Variants in TIE1 observed in about 807,000 individuals in gnomAD.
TIE1 encodes the protein tyrosine-protein kinase receptor Tie-1.
Under a neutral mutation model 130.5 loss-of-function variants are expected in TIE1, and 89 were observed. That is an observed-to-expected ratio of 0.68 (90% CI 0.57 to 0.81). TIE1 has a LOEUF of 0.81. Among genes scored for constraint, TIE1 ranks in the 40% least tolerant of loss-of-function variants. The pLI is 0.00. For synonymous variants in TIE1, 568 were observed against 629.4 expected (o/e 0.90, Z 1.46); for missense variants, 1,392 against 1,559.8 (o/e 0.89, Z 1.81).
rs760802772 is a variant in TIE1 at position 43,305,000 on chromosome 1, G to A, written c.208G>A (p.Val70Met). The change falls in exon 2 of 23, where the codon GTG becomes ATG. Residue 70 changes from valine to methionine, a missense_variant. By Grantham distance (21) the Val-to-Met change is conservative. Coordinates refer to ENST00000372476, the MANE Select transcript of TIE1 (RefSeq NM_005424.5). ...PLLLEKDDRI[V>M]RTPPGPPLRL... The stretch of plus-strand genomic sequence containing the variant: ...GCTGCTGGAGAAGGACGACCGTATC[G>A]TGCGCACCCCGCCCGGGCCACCCCT... The A allele has an allele frequency of 3.1e-5, 47 of 1,534,532 alleles. No homozygotes were observed. The highest frequency in any genetic ancestry group is 5.5e-5 in the African/African-American group (4 of 73,066).
rs749575552 is a variant in TIE1 at position 43,318,050 on chromosome 1, T to C, written c.2900T>C (p.Met967Thr). The stretch of plus-strand genomic sequence containing the variant: ...TTCGCCAGTGATGCGGCCAATGGCA[T>C]GCAGTACCTGAGTGAGAAGCAGGTG... ...LRFASDAANG[M>T]QYLSEKQFIH... The change falls in exon 17 of 23, where the codon ATG becomes ACG. Residue 967 changes from methionine to threonine, a missense_variant. Physicochemically the swap from Met to Thr is moderately conservative, Grantham distance 81. Transcript: ENST00000372476. This position sits in a 1 kb window ranked among gnomAD's most constrained non-coding sequence, Gnocchi z 4.4. 1.3e-6 allele frequency: 2 copies of C among 1,568,330 alleles called. No homozygotes were observed. The highest frequency in any genetic ancestry group is 1.2e-5 in the South Asian group (1 of 82,136).
chr1:43,319,581 A>G lies in TIE1; in HGVS notation c.3107+52A>G. 1 of 1,561,734 alleles carries G rather than the reference A, an allele frequency of 6.4e-7. No homozygotes were observed. Among genetic ancestry groups the G allele is most frequent in the Non-Finnish European group, 8.8e-7 (1 of 1,132,406 alleles). On this transcript the variant is annotated intron_variant, in intron 19 of 22. Transcript: ENST00000372476. The surrounding 1 kb of genome is among the most constrained non-coding windows in gnomAD (Gnocchi z 4.7). ...AGGGCTTGGCCCCCAAGAATCACCCAGGCCTGACCTAGACATATCTCAGAA... is the reference window on the plus strand; with the variant it reads ...AGGGCTTGGCCCCCAAGAATCACCCGGGCCTGACCTAGACATATCTCAGAA...
chr1:43,312,203 CT>C lies in TIE1; in HGVS notation c.1630+75del. The C allele has an allele frequency of 6.6e-7, 1 of 1,513,760 alleles. No homozygotes were observed. The highest frequency in any genetic ancestry group is 8.8e-7 in the Non-Finnish European group (1 of 1,131,124). The allele number at this position is 1,513,760 out of a possible 1,614,324, so 93.8% of individuals were successfully genotyped here. A position where few individuals can be genotyped will look rare whatever the true frequency, so the allele number is the denominator to read the frequency against. On this transcript the variant is annotated intron_variant, in intron 11 of 22. Coordinates refer to ENST00000372476, the MANE Select transcript of TIE1 (RefSeq NM_005424.5). This position sits in a 1 kb window ranked among gnomAD's most constrained non-coding sequence, Gnocchi z 5.6. The stretch of plus-strand genomic sequence containing the variant: ...TCCCGTCGACCCCAGGGACCCCTGC[CT>C]TTCCCACTGGAGGTTGTTCTTCCTT...
In TIE1 at chr1:43,316,375, C is replaced by T. The variant is rs568293500; in HGVS notation, c.2410-824C>T. ...AGGTCCTCAGCCCTTGCCCATCAAGCTGGACTTCAGTGCACTTAGGAAGCC... is the reference window on the plus strand; with the variant it reads ...AGGTCCTCAGCCCTTGCCCATCAAGTTGGACTTCAGTGCACTTAGGAAGCC... On this transcript the variant is annotated intron_variant, in intron 14 of 22. Transcript: ENST00000372476. The surrounding 1 kb of genome is among the most constrained non-coding windows in gnomAD (Gnocchi z 4.4). 6.6e-6 allele frequency among the ~76,000 whole-genome samples: 1 copy of T among 152,360 alleles called. No homozygotes were observed. Among genetic ancestry groups the T allele is most frequent in the South Asian group, 2.1e-4 (1 of 4,834 alleles).
chr1:43,307,897 T>G lies in TIE1; in HGVS notation c.1015T>G (p.Trp339Gly), dbSNP rs1570434372. The change falls in exon 7 of 23, where the codon TGG becomes GGG. Residue 339 changes from tryptophan (W) to glycine (G), a missense_variant. Trp to Gly is a radical substitution (Grantham distance 184). This residue lies in a region of TIE1 where 28 missense variants were observed against 54.7 expected (regional missense o/e 0.51). Coordinates refer to ENST00000372476, the MANE Select transcript of TIE1 (RefSeq NM_005424.5). This position sits in a 1 kb window ranked among gnomAD's most constrained non-coding sequence, Gnocchi z 5.4. ...RFSGCVCPSG[W>G]HGVHCEKSDR... ...CAGTGGTTGTGTCTGCCCCTCTGGG[T>G]GGCATGGAGTGCACTGTGAGAAGTC... The G allele has an allele frequency of 6.2e-7, 1 of 1,614,164 alleles. No homozygotes were observed. The highest frequency in any genetic ancestry group is 2.2e-5 in the East Asian group (1 of 44,874).
rs760738475 is a variant in TIE1, at chr1:43,312,390, C to T, written c.1716C>T (p.Pro572=). The change falls in exon 12 of 23, where the codon CCC becomes CCT. Residue 572 remains proline (P), a synonymous_variant. Coordinates refer to ENST00000372476, the MANE Select transcript of TIE1 (RefSeq NM_005424.5). The surrounding 1 kb of genome is among the most constrained non-coding windows in gnomAD (Gnocchi z 5.6). ...LRVSWSLPLV[P]GPLVGDGFLL... ...TGAGCTGGTCCTTGCCCTTGGTGCC[C>T]GGGCCACTGGTGGGCGACGGTTTCC... 2.2e-5 allele frequency: 35 copies of T among 1,602,532 alleles called. No homozygotes were observed. Among genetic ancestry groups the T allele is most frequent in the Middle Eastern group, 3.3e-4 (2 of 6,042 alleles).
Position 43,313,017 on chromosome 1 carries a change from G to T in TIE1, c.1928-118G>T. ...CTGGTGGGGAGGAGGAAGTTGGCAG[G>T]GTGGCCCCTGTGCTTGGACCCACAG... On this transcript the variant is annotated intron_variant, in intron 12 of 22. Coordinates refer to ENST00000372476, the MANE Select transcript of TIE1 (RefSeq NM_005424.5). This position sits in a 1 kb window ranked among gnomAD's most constrained non-coding sequence, Gnocchi z 6.2. 1 of 1,216,376 alleles carries T rather than the reference G, an allele frequency of 8.2e-7. No homozygotes were observed. Among genetic ancestry groups the T allele is most frequent in the Non-Finnish European group, 1.1e-6 (1 of 872,800 alleles). 75.3% of individuals were successfully genotyped at this position (1,216,376 alleles called of 1,614,324 possible).
chr1:43,304,773 C>T (rs2153910220), intron 1 of TIE1, 78 bp from the exon 2 acceptor site: 7 of 1,353,332 alleles, frequency 5.2e-6, no homozygotes, highest in African/African-American at 3.1e-5. Flanking sequence ...TCAGTAAGAC[C>T]AGAGGGCTGG....
chr1:43,317,844 G>T lies in TIE1; in HGVS notation c.2732-38G>T. 6.2e-7 allele frequency: 1 copy of T among 1,608,990 alleles called. No individual in the cohort carries two copies. Among genetic ancestry groups the T allele is most frequent in the Non-Finnish European group, 8.5e-7 (1 of 1,176,366 alleles). ...TGCCTGCTCCCACCCTAGGTTGCCT[G>T]TGTCTAAATCACCACTGTCTGTCTC... On this transcript the variant is annotated intron_variant, in intron 16 of 22. Transcript: ENST00000372476. The surrounding 1 kb of genome is among the most constrained non-coding windows in gnomAD (Gnocchi z 5.1).
rs889158459 is a variant in TIE1 at position 43,317,002 on chromosome 1, G to T, written c.2410-197G>T. Among the ~76,000 whole-genome samples the T allele has an allele frequency of 2.6e-5, 4 of 151,996 alleles. No individual in the cohort carries two copies. The highest frequency in any genetic ancestry group is 2.6e-4 in the Admixed American group (4 of 15,230). On this transcript the variant is annotated intron_variant, in intron 14 of 22. Transcript: ENST00000372476. This position sits in a 1 kb window ranked among gnomAD's most constrained non-coding sequence, Gnocchi z 5.1. ...CTGTCCACCCAGCAGCCTACCTGTGGCTCTGTTACCTATGATTCTGTCTCA... is the reference window on the plus strand; with the variant it reads ...CTGTCCACCCAGCAGCCTACCTGTGTCTCTGTTACCTATGATTCTGTCTCA...
In TIE1 at chr1:43,319,054, G is replaced by A. The variant is rs961362239; in HGVS notation, c.2923-181G>A. ...ACTTGGTCAGGGCCCAGGAACGAGC[G>A]GGTGAGAGCCAACACTGATCTTTCT... On this transcript the variant is annotated intron_variant, in intron 17 of 22. Coordinates refer to ENST00000372476, the MANE Select transcript of TIE1 (RefSeq NM_005424.5). This position sits in a 1 kb window ranked among gnomAD's most constrained non-coding sequence, Gnocchi z 4.7. Among the ~76,000 whole-genome samples the A allele has an allele frequency of 1.9e-4, 29 of 152,082 alleles. No individual in the cohort carries two copies. Among genetic ancestry groups the A allele is most frequent in the African/African-American group, 6.3e-4 (26 of 41,398 alleles).
chr1:43,314,373 G>C lies in TIE1; in HGVS notation c.2409+405G>C, dbSNP rs535844740. 67 of 1,138,448 alleles carry C rather than the reference G, an allele frequency of 5.9e-5. 2 individuals carry two copies. The South Asian group carries it at 1.2e-3, about 21-fold the overall frequency. 70.5% of individuals were successfully genotyped at this position (1,138,448 alleles called of 1,614,324 possible). On this transcript the variant is annotated intron_variant, in intron 14 of 22. Coordinates refer to ENST00000372476, the MANE Select transcript of TIE1 (RefSeq NM_005424.5). ...GCACTTGGGGTTCATGCTGGCTTTT[G>C]TCCTTGCAGGCCTTCCTGGGCTCGG...
intron 21 of TIE1, 60 bp from the exon 22 acceptor site, chr1:43,321,556 C>T: frequency 1.3e-6 from 2 of 1,558,594 alleles, no homozygotes; most frequent in African/African-American, 1.4e-5. Flanking sequence ...CAGCTTTGAT[C>T]CCTGTGACCC....
Position 43,306,581 on chromosome 1 carries a change from G to A in TIE1, c.485-259G>A, listed in dbSNP as rs1280997796. Among the ~76,000 whole-genome samples the A allele has an allele frequency of 6.6e-6, 1 of 152,170 alleles. No individual in the cohort carries two copies. Among genetic ancestry groups the A allele is most frequent in the Non-Finnish European group, 1.5e-5 (1 of 68,020 alleles). On this transcript the variant is annotated intron_variant, in intron 3 of 22. Transcript: ENST00000372476. The surrounding 1 kb of genome is among the most constrained non-coding windows in gnomAD (Gnocchi z 4.9). ...TAGGACCAGGGCAGTGGCAGTGGGT[G>A]TGGGGAGAAGCGGACTGGGTTAGGG...
rs74069553 is a variant in TIE1 at position 43,314,150 on chromosome 1, A to G, written c.2409+182A>G. 2,375 of 845,366 alleles carry G rather than the reference A, an allele frequency of 2.8e-3. 30 individuals are homozygous for G. In the African/African-American group the frequency reaches 0.033, roughly 12 times the overall value. The allele number at this position is 845,366 out of a possible 1,614,324, so 52.4% of individuals were successfully genotyped here. A position where few individuals can be genotyped will look rare whatever the true frequency, so the allele number is the denominator to read the frequency against. The stretch of plus-strand genomic sequence containing the variant: ...ATATAATTTTCTTTATTTCTCTAAA[A>G]CTGAATTCAGCTCATGAGCCCATTT... On this transcript the variant is annotated intron_variant, in intron 14 of 22. Coordinates refer to ENST00000372476, the MANE Select transcript of TIE1 (RefSeq NM_005424.5).
chr1:43,317,437 C>T lies in TIE1; in HGVS notation c.2620+28C>T, dbSNP rs552744542. The T allele has an allele frequency of 5.0e-6, 8 of 1,613,236 alleles. No individual in the cohort carries two copies. The African/African-American group carries it at 9.3e-5, about 19-fold the overall frequency. ...CCACTGGGGCGACCCCTGGCCCAGC[C>T]CTGATGCTCTCCTTTGTCCCACAAA... is the stretch of plus-strand genomic sequence containing the variant. On this transcript the variant is annotated intron_variant, in intron 15 of 22. Transcript: ENST00000372476. The surrounding 1 kb of genome is among the most constrained non-coding windows in gnomAD (Gnocchi z 5.1).
rs1646892536 is a variant in TIE1, at chr1:43,319,473, G to A, written c.3051G>A (p.Val1017=). ...YVKKTMGRLP[V]RWMAIESLNY... ...TTCTCTCCTAGGGGCGTCTCCCTGT[G>A]CGCTGGATGGCCATTGAGTCCCTGA... Residue 1017 remains valine, a synonymous_variant, in exon 19 of 23, where the codon GTG becomes GTA. Transcript: ENST00000372476. The surrounding 1 kb of genome is among the most constrained non-coding windows in gnomAD (Gnocchi z 4.7). 4.3e-6 allele frequency: 7 copies of A among 1,614,114 alleles called. No individual in the cohort carries two copies. Among genetic ancestry groups the A allele is most frequent in the Non-Finnish European group, 5.9e-6 (7 of 1,180,012 alleles).
rs371403314 is a variant in TIE1, at chr1:43,319,579, C to A, written c.3107+50C>A. 591 of 1,557,676 alleles carry A rather than the reference C, an allele frequency of 3.8e-4. 5 individuals carry two copies. In the South Asian group the frequency reaches 6.1e-3, roughly 16 times the overall value. ...GGAGGGCTTGGCCCCCAAGAATCACCCAGGCCTGACCTAGACATATCTCAG... is the reference window on the plus strand; with the variant it reads ...GGAGGGCTTGGCCCCCAAGAATCACACAGGCCTGACCTAGACATATCTCAG... On this transcript the variant is annotated intron_variant, in intron 19 of 22. Coordinates refer to ENST00000372476, the MANE Select transcript of TIE1 (RefSeq NM_005424.5). The surrounding 1 kb of genome is among the most constrained non-coding windows in gnomAD (Gnocchi z 4.7).
chr1:43,310,954 A>C (rs1646784229), intron 9 of TIE1, among the ~76,000 whole-genome samples: 1 of 152,166 alleles, frequency 6.6e-6, no homozygotes, highest in Non-Finnish European at 1.5e-5. Context: ...TGTAAGAGTC[A>C]AGGGAACCTG....
Sources: gnomAD v4.1 joint callset for allele counts (sites outside exome capture counted in the v4.1 genomes callset) on GRCh38, gnomAD v4.1.1 for gene constraint, gnomAD v4.1.1 regional missense constraint, Gnocchi (gnomAD v3.1) non-coding constraint, MANE v1.5 for transcripts, NCBI Gene and HGNC (gene_info 2026-07-23, HGNC 2026-07-21) for gene names.